Variants in CMYA5 observed in about 807,000 individuals in gnomAD.
CMYA5 encodes cardiomyopathy-associated protein 5.
A neutral mutation model predicts 318.9 loss-of-function variants in CMYA5; 246 were observed. The observed-to-expected ratio is 0.77, with a 90% CI of 0.70 to 0.86. The LOEUF is 0.86. CMYA5 is among the 40% of genes least tolerant of loss of function. CMYA5 has a pLI of 0.00. For missense variants in CMYA5, 4,589 were observed against 4,678.2 expected (o/e 0.98, Z 0.56); for synonymous variants, 1,641 against 1,729.5 (o/e 0.95, Z 1.27).
chr5:79,799,395 G>A lies in CMYA5; in HGVS notation c.11989G>A (p.Val3997Met). 1 of 1,611,914 alleles carries A rather than the reference G, an allele frequency of 6.2e-7. No individual in the cohort carries two copies. The highest frequency in any genetic ancestry group is 8.5e-7 in the Non-Finnish European group (1 of 1,178,178). Reference protein sequence around the residue: ...QRYTFFYSGIVSDVHVTERPA... With the variant: ...QRYTFFYSGIMSDVHVTERPA... ...ATACACATTTTTCTACAGTGGTATT[G>A]TGAGTGATGTTCATGTGACTGAGCG... is the stretch of plus-strand genomic sequence containing the variant. The change falls in exon 13 of 13, where the codon GTG becomes ATG. Residue 3997 changes from valine to methionine, a missense_variant. Coordinates refer to ENST00000446378, the MANE Select transcript of CMYA5 (RefSeq NM_153610.5).
At chr5:79,702,174 G>T (rs1420299358) in intron 1 of CMYA5, among the ~76,000 whole-genome samples, 1 of 152,106 alleles carries the variant, frequency 6.6e-6, no homozygotes, top group African/African-American at 2.4e-5. Context: ...CAATACTTTG[G>T]GAGGCCAAGG....
intron 1 of CMYA5, among the ~76,000 whole-genome samples, chr5:79,700,300 G>A (rs1827149356): frequency 6.6e-6 from 1 of 152,208 alleles, no homozygotes; most frequent in South Asian, 2.1e-4. Flanking sequence ...CCTTACGTAA[G>A]TTATTTTCTG....
chr5:79,733,533 G>T lies in CMYA5; in HGVS notation c.4768G>T (p.Asp1590Tyr). The part of the protein sequence containing the change: ...LAPTLLLLSD[D>Y]KNKPAVEVSS... ...CCCAACATTACTGCTCCTCAGTGAT[G>T]ATAAGAACAAACCGGCAGTGGAGGT... Residue 1590 changes from aspartate (D) to tyrosine (Y), a missense_variant, in exon 2 of 13, where the codon GAT becomes TAT. Asp to Tyr is a radical substitution (Grantham distance 160, BLOSUM62 -3). Coordinates refer to ENST00000446378, the MANE Select transcript of CMYA5 (RefSeq NM_153610.5). The T allele has an allele frequency of 6.2e-7, 1 of 1,613,948 alleles. No individual in the cohort carries two copies. Among genetic ancestry groups the T allele is most frequent in the Non-Finnish European group, 8.5e-7 (1 of 1,179,844 alleles).
chr5:79,777,044 G>C (rs73125670), intron 9 of CMYA5, among the ~76,000 whole-genome samples: 1 of 152,064 alleles, frequency 6.6e-6, no homozygotes. Context: ...CATACAAATT[G>C]CTGAATTATC....
rs2151094935 is a variant in CMYA5 at position 79,761,805 on chromosome 5, T to C, written c.11261-6T>C. On this transcript the variant is annotated splice_region_variant and splice_polypyrimidine_tract_variant and intron_variant, in intron 7 of 12. Transcript: ENST00000446378. ...TGTCTTCGATTTTAATTGTGTCTTA[T>C]GCTAGAGTTGGTAGAAGAATACAGA... 1.2e-6 allele frequency: 2 copies of C among 1,611,886 alleles called. No individual in the cohort carries two copies. The highest frequency in any genetic ancestry group is 4.5e-5 in the East Asian group (2 of 44,862).
At chr5:79,751,823 GC>G (rs1472157538) in intron 5 of CMYA5, among the ~76,000 whole-genome samples, 2 of 152,146 alleles carry the variant, frequency 1.3e-5, no homozygotes, top group Non-Finnish European at 2.9e-5. Flanking sequence ...GAGGGGGCAG[GC>G]AAGGCTGTAT....
Position 79,738,934 on chromosome 5 carries a change from A to G in CMYA5, c.10169A>G (p.His3390Arg). 7 of 1,613,926 alleles carry G rather than the reference A, an allele frequency of 4.3e-6. 1 individual carries two copies. Among genetic ancestry groups the G allele is most frequent in the Admixed American group, 3.3e-5 (2 of 59,998 alleles). The change falls in exon 2 of 13, where the codon CAT becomes CGT. Residue 3390 changes from histidine (H) to arginine (R), a missense_variant. This residue lies in a region of CMYA5 where 2,431 missense variants were observed against 2,495.1 expected (regional missense o/e 0.97). Coordinates refer to ENST00000446378, the MANE Select transcript of CMYA5 (RefSeq NM_153610.5). ...PEEEFASGAT[H>R]VQETSLEEPK... is the part of the protein sequence containing the mutation. ...GAAGAATTTGCATCTGGTGCAACTC[A>G]TGTTCAAGAAACATCACTAGAAGAA...
chr5:79,706,585 G>A (rs543330453), intron 1 of CMYA5, among the ~76,000 whole-genome samples: 3 of 152,254 alleles, frequency 2.0e-5, no homozygotes, highest in Non-Finnish European at 2.9e-5. Context: ...ATATGAACAG[G>A]TGCCCCTCAT....
rs914557122 is a variant in CMYA5, at chr5:79,727,067, C to G, written c.150-1848C>G. 8.6e-5 allele frequency among the ~76,000 whole-genome samples: 13 copies of G among 151,938 alleles called. 1 individual carries two copies. The highest frequency in any genetic ancestry group is 2.4e-4 in the African/African-American group (10 of 41,354). On this transcript the variant is annotated intron_variant, in intron 1 of 12. Transcript: ENST00000446378. ...AGTAGCTGGGATTACAGGCACCCAC[C>G]ACCACACCCAGCTAATTTTTGTATT...
intron 9 of CMYA5, among the ~76,000 whole-genome samples, chr5:79,770,958 A>G (rs185467542): frequency 8.1e-4 from 124 of 152,192 alleles, no homozygotes; most frequent in Admixed American, 1.3e-3. Context: ...CGTAAACATA[A>G]TAAGTGTTCA....
chr5:79,799,688 G>T lies in CMYA5; in HGVS notation c.*72G>T. 6.7e-7 allele frequency: 1 copy of T among 1,502,034 alleles called. No homozygotes were observed. Among genetic ancestry groups the T allele is most frequent in the Non-Finnish European group, 8.9e-7 (1 of 1,118,982 alleles). The allele number at this position is 1,502,034 out of a possible 1,614,324, so 93.0% of individuals were successfully genotyped here. A position where few individuals can be genotyped will look rare whatever the true frequency, so the allele number is the denominator to read the frequency against. On this transcript the variant is annotated 3_prime_UTR_variant, in exon 13 of 13. Transcript: ENST00000446378. ...GGGTCTGCTGTTCATTCCTTTAGGT[G>T]CTATACATTATTCAAAAAGTCTCCC... is the stretch of plus-strand genomic sequence containing the variant.
chr5:79,709,986 A>T (rs1304025761), intron 1 of CMYA5, among the ~76,000 whole-genome samples: 1 of 146,240 alleles, frequency 6.8e-6, no homozygotes, highest in African/African-American at 2.5e-5. Flanking sequence ...AAAAAAAAAA[A>T]AAGAAAGAAA....
chr5:79,704,758 C>T (rs1003451599), intron 1 of CMYA5, among the ~76,000 whole-genome samples: 1 of 151,866 alleles, frequency 6.6e-6, no homozygotes, highest in Admixed American at 6.6e-5. Context: ...GAGACCAGAG[C>T]CAAATTGACA....
intron 1 of CMYA5, among the ~76,000 whole-genome samples, chr5:79,696,470 A>C (rs1020533429): frequency 6.6e-6 from 1 of 152,260 alleles, no homozygotes; most frequent in Admixed American, 6.5e-5. Context: ...CTAAATACTC[A>C]GAGCCCTCTC....
chr5:79,790,580 A>C (rs956151289), intron 10 of CMYA5, among the ~76,000 whole-genome samples: 1 of 152,084 alleles, frequency 6.6e-6, no homozygotes, highest in African/African-American at 2.4e-5. Context: ...GTATCCCCCA[A>C]TTTTAATATG....
At chr5:79,768,564 G>A (rs975409556) in intron 9 of CMYA5, among the ~76,000 whole-genome samples, 1 of 152,158 alleles carries the variant, frequency 6.6e-6, no homozygotes, top group East Asian at 1.9e-4. Flanking sequence ...GCTTAGTTTG[G>A]CCGGATATTA....
rs751826810 is a variant in CMYA5 at position 79,735,195 on chromosome 5, C to T, written c.6430C>T (p.Gln2144Ter). ...PISSIHAREPQSPESPEVTQN... is the reference protein window; with the variant it reads ...PISSIHAREP ...CTCCTCAATCCATGCAAGAGAGCCTCAATCCCCAGAGTCACCTGAGGTGAC... is the reference window on the plus strand; with the variant it reads ...CTCCTCAATCCATGCAAGAGAGCCTTAATCCCCAGAGTCACCTGAGGTGAC... Residue 2144 changes from glutamine to a stop codon, truncating the protein, a stop_gained, in exon 2 of 13, where the codon CAA (glutamine) becomes TAA (stop). Transcript: ENST00000446378. LOFTEE classifies it high-confidence loss of function. 6.2e-7 allele frequency: 1 copy of T among 1,613,766 alleles called. No homozygotes were observed. The highest frequency in any genetic ancestry group is 8.5e-7 in the Non-Finnish European group (1 of 1,179,792).
Position 79,729,586 on chromosome 5 carries a change from A to T in CMYA5, c.821A>T (p.Asp274Val). 6.2e-7 allele frequency: 1 copy of T among 1,613,534 alleles called. No homozygotes were observed. The highest frequency in any genetic ancestry group is 8.5e-7 in the Non-Finnish European group (1 of 1,179,414). The change falls in exon 2 of 13, where the codon GAC becomes GTC. Residue 274 changes from aspartate (D) to valine (V), a missense_variant. By Grantham distance (152) the Asp-to-Val change is radical. Coordinates refer to ENST00000446378, the MANE Select transcript of CMYA5 (RefSeq NM_153610.5). ...TCCATTAGTCTAGAGCCAGATTTGG[A>T]CAATAGTGGTTCTAATACAGTGTCC... is the stretch of plus-strand genomic sequence containing the variant. ...DASISLEPDL[D>V]NSGSNTVSKT...
chr5:79,739,159 A>G lies in CMYA5; in HGVS notation c.10394A>G (p.Glu3465Gly), dbSNP rs1020745746. 2 of 1,613,716 alleles carry G rather than the reference A, an allele frequency of 1.2e-6. No individual in the cohort carries two copies. The highest frequency in any genetic ancestry group is 1.7e-6 in the Non-Finnish European group (2 of 1,179,796). Residue 3465 changes from glutamate to glycine, a missense_variant, in exon 2 of 13, where the codon GAA (glutamate) becomes GGA (glycine). By Grantham distance (98) the Glu-to-Gly change is moderately conservative. Transcript: ENST00000446378. ...KESFEHISEN[E>G]FASEAEQSTP... is the part of the protein sequence containing the mutation. ...TCCTTTGAGCACATCAGTGAAAATG[A>G]ATTTGCGAGTGAGGCAGAACAAAGT... is the stretch of plus-strand genomic sequence containing the variant.
Sources: allele counts gnomAD v4.1 joint callset (sites outside exome capture counted in the v4.1 genomes callset), GRCh38; gene constraint gnomAD v4.1.1; regional missense constraint gnomAD v4.1.1; transcripts MANE v1.5; gene names NCBI Gene and HGNC (gene_info 2026-07-23, HGNC 2026-07-21).